SLCO5A1: variants seen among roughly 807,000 people sequenced by gnomAD.
SLCO5A1 encodes the protein organic anion transporter polypeptide-related protein 4.
SLCO5A1 carries 39 observed loss-of-function variants against 65.1 expected under a neutral mutation model. That is an observed-to-expected ratio of 0.60 (90% confidence interval 0.46 to 0.78). The LOEUF is 0.78. Ranked by LOEUF, SLCO5A1 falls within the 30% of genes least tolerant of loss-of-function variation. The pLI, the probability that SLCO5A1 is intolerant of heterozygous loss-of-function variation, is 0.00. For synonymous variants in SLCO5A1, 438 were observed against 415.7 expected, an observed-to-expected ratio of 1.05 and a Z score of -0.65; for missense variants, 1,029 against 1,069.4, an observed-to-expected ratio of 0.96 and a Z score of 0.53.
intron 5 of SLCO5A1, among the ~76,000 whole-genome samples, chr8:69,726,145 C>A (rs1285117608): frequency 6.6e-6 from 1 of 152,166 alleles, no homozygotes; most frequent in African/African-American, 2.4e-5. Context: ...TATTAATCAT[C>A]AAAGGTAAGT....
Position 69,813,243 on chromosome 8 carries a change from A to C in SLCO5A1, c.907+18524T>G, listed in dbSNP as rs191488754. Among the ~76,000 whole-genome samples the C allele has an allele frequency of 7.2e-5, 11 of 152,348 alleles. No homozygotes were observed. In the East Asian group the frequency reaches 1.2e-3, roughly 16 times the overall value. On this transcript the variant is annotated intron_variant, in intron 2 of 9. Coordinates refer to ENST00000260126, the MANE Select transcript of SLCO5A1 (RefSeq NM_030958.3). ...ACTTCTATGACCTTTGTAAGAATTT[A>C]AAGTGAAAAAATTAGGAAAACACCT...
intron 5 of SLCO5A1, among the ~76,000 whole-genome samples, chr8:69,717,756 C>T (rs1313256546): frequency 6.6e-6 from 1 of 152,104 alleles, no homozygotes; most frequent in Non-Finnish European, 1.5e-5. Flanking sequence ...CATTTATTTA[C>T]ATTTTCTTTA....
chr8:69,676,768 A>G (rs983869606), intron 8 of SLCO5A1, 95 bp from the exon 9 acceptor site: 9 of 950,770 alleles, frequency 9.5e-6, no homozygotes, highest in Non-Finnish European at 1.3e-5. Flanking sequence ...CCAGGGACTA[A>G]AGATGCCATG....
At chr8:69,757,784 C>CTTAGTACTTGGCTGCTTACG in intron 3 of SLCO5A1, among the ~76,000 whole-genome samples, 1 of 448 alleles carries the variant, frequency 2.2e-3, no homozygotes, top group Non-Finnish European at 4.0e-3. Flanking sequence ...CCTTACCCAT[C>CTTAGTACTTGGCTGCTTACG]AGGCACTATC....
intron 2 of SLCO5A1, among the ~76,000 whole-genome samples, chr8:69,775,746 G>A (rs553638561): frequency 4.6e-5 from 7 of 152,216 alleles, no homozygotes; most frequent in Admixed American, 3.3e-4. Context: ...GGACACAGTG[G>A]CTCATGCTTA....
chr8:69,761,365 C>T (rs755729347), intron 3 of SLCO5A1: 3 of 188,208 alleles, frequency 1.6e-5, no homozygotes, highest in South Asian at 1.1e-4. Context: ...ATTCTTTGCT[C>T]GCAGCCCCTT....
At chr8:69,780,843 C>T (rs183067224) in intron 2 of SLCO5A1, among the ~76,000 whole-genome samples, 2 of 151,332 alleles carry the variant, frequency 1.3e-5, no homozygotes, top group East Asian at 3.9e-4. Flanking sequence ...GCATACAGGG[C>T]TCTGCTACTG....
In SLCO5A1 at chr8:69,832,427, G is replaced by T. The variant is rs1821206043; in HGVS notation, c.247C>A (p.Pro83Thr). 2 of 1,613,052 alleles carry T rather than the reference G, an allele frequency of 1.2e-6. No individual in the cohort carries two copies. The highest frequency in any genetic ancestry group is 1.3e-5 in the African/African-American group (1 of 74,894). ...CCCGCCGAAGTGGACGGGGCAGAGG[G>T]ACTGGGGGCCAACGGGTTCGGGCCT... ...KQGPNPLAPS[P>T]SAPSTSAGLG... is the part of the protein sequence containing the mutation. The change falls in exon 2 of 10, where the codon CCC becomes ACC. Residue 83 changes from proline to threonine, a missense_variant. Coordinates refer to ENST00000260126, the MANE Select transcript of SLCO5A1 (RefSeq NM_030958.3). This position sits in a 1 kb window ranked among gnomAD's most constrained non-coding sequence, Gnocchi z 4.5.
chr8:69,784,811 AAAAGAAAGAAAGAAAGAAAGAAAGAAAG>A (rs56110450), intron 2 of SLCO5A1, among the ~76,000 whole-genome samples: 3 of 70,950 alleles, frequency 4.2e-5, no homozygotes, highest in Admixed American at 1.6e-4. Flanking sequence ...GAAAGAAAGA[AAAAGAAAGAAAGAAAGAAAGAAAGAAAG>A]AAAGAAAGAA....
chr8:69,785,879 C>T (rs1045195315), intron 2 of SLCO5A1, among the ~76,000 whole-genome samples: 1 of 152,130 alleles, frequency 6.6e-6, no homozygotes, highest in Non-Finnish European at 1.5e-5. Flanking sequence ...ATCTCAACAC[C>T]AAGTCCTAAT....
At position 69,670,499 on chromosome 8, in the gene SLCO5A1, C is replaced by T. The variant is rs1023706392; in HGVS notation, c.*2370G>A. Reference sequence around the variant, plus strand: ...CAACAACACATTAATGAAATACCTGCTATTTATAAGGAGCAGATACTTGAG... The same window carrying T: ...CAACAACACATTAATGAAATACCTGTTATTTATAAGGAGCAGATACTTGAG... On this transcript the variant is annotated 3_prime_UTR_variant, in exon 10 of 10. Transcript: ENST00000260126. The T allele has an allele frequency of 6.6e-6, 1 of 152,110 alleles. No homozygotes were observed. Among genetic ancestry groups the T allele is most frequent in the Non-Finnish European group, 1.5e-5 (1 of 68,012 alleles). 9.4% of individuals were successfully genotyped at this position (152,110 alleles called of 1,614,324 possible). A position where few individuals can be genotyped will look rare whatever the true frequency, so the allele number is the denominator to read the frequency against.
chr8:69,791,224 A>G (rs1157505508), intron 2 of SLCO5A1, among the ~76,000 whole-genome samples: 1 of 152,044 alleles, frequency 6.6e-6, no homozygotes, highest in Non-Finnish European at 1.5e-5. Context: ...TCCCATCACC[A>G]CCCACCACCT....
At chr8:69,728,454 A>T (rs1816187863) in intron 5 of SLCO5A1, among the ~76,000 whole-genome samples, 5 of 152,210 alleles carry the variant, frequency 3.3e-5, no homozygotes. Context: ...TTCTAAAATT[A>T]AAAACCAAAA....
intron 6 of SLCO5A1, among the ~76,000 whole-genome samples, chr8:69,690,424 C>G (rs1814209965): frequency 6.6e-6 from 1 of 152,154 alleles, no homozygotes; most frequent in Non-Finnish European, 1.5e-5. Context: ...AGAAAAAACT[C>G]TTAAGTAGAT....
intron 9 of SLCO5A1, among the ~76,000 whole-genome samples, chr8:69,675,177 CTT>C (rs772773985): frequency 2.1e-5 from 3 of 142,912 alleles, no homozygotes; most frequent in Admixed American, 7.0e-5. Flanking sequence ...ATAAGACTGA[CTT>C]TTTTTTTTTT....
chr8:69,766,853 A>G (rs78728862), intron 2 of SLCO5A1, among the ~76,000 whole-genome samples: 3,149 of 152,250 alleles, frequency 0.021, 64 homozygotes, highest in Non-Finnish European at 0.026. Flanking sequence ...TGCCCTGCGC[A>G]TGGAGGAGGC....
At chr8:69,763,128 G>T (rs538094952) in intron 2 of SLCO5A1, among the ~76,000 whole-genome samples, 2 of 152,268 alleles carry the variant, frequency 1.3e-5, no homozygotes, top group South Asian at 4.1e-4. Context: ...TGGCCAACAT[G>T]GTGAAACCTC....
chr8:69,770,103 T>C (rs1329170367), intron 2 of SLCO5A1, among the ~76,000 whole-genome samples: 5 of 152,212 alleles, frequency 3.3e-5, no homozygotes, highest in Non-Finnish European at 5.9e-5. Flanking sequence ...TGTAGCTATC[T>C]CCAGCTTTTT....
chr8:69,688,096 G>C (rs1814077866), intron 6 of SLCO5A1, among the ~76,000 whole-genome samples: 1 of 151,832 alleles, frequency 6.6e-6, no homozygotes, highest in Non-Finnish European at 1.5e-5. Context: ...TTATCCCCCT[G>C]ATACTCCTAA....
Sources: gnomAD v4.1 joint callset for allele counts (sites outside exome capture counted in the v4.1 genomes callset) on GRCh38, gnomAD v4.1.1 for gene constraint, Gnocchi (gnomAD v3.1) non-coding constraint, MANE v1.5 for transcripts, NCBI Gene and HGNC (gene_info 2026-07-23, HGNC 2026-07-21) for gene names.